The following EGFLAM variants were observed in gnomAD, a reference collection of about 807,000 sequenced individuals.
The protein encoded by EGFLAM is EGF like, fibronectin type III and laminin G domains.
A neutral mutation model predicts 113.1 loss-of-function variants in EGFLAM; 79 were observed. That is an observed-to-expected ratio of 0.70 (90% confidence interval 0.58 to 0.84). EGFLAM has a LOEUF of 0.84. Ranked by LOEUF, EGFLAM falls within the 40% of genes least tolerant of loss-of-function variation. The pLI, the probability that EGFLAM is intolerant of heterozygous loss-of-function variation, is 0.00. For synonymous variants in EGFLAM, 504 were observed against 487.6 expected (o/e 1.03, Z -0.44); for missense variants, 1,265 against 1,291.6 (o/e 0.98, Z 0.32).
chr5:38,274,481 G>A (rs1247981855), intron 1 of EGFLAM, among the ~76,000 whole-genome samples: 1 of 152,038 alleles, frequency 6.6e-6, no homozygotes, highest in African/African-American at 2.4e-5. Flanking sequence ...AACATATAAG[G>A]GATTTCCAAT....
chr5:38,326,444 G>A (rs1238152963), intron 1 of EGFLAM, among the ~76,000 whole-genome samples: 1 of 152,084 alleles, frequency 6.6e-6, no homozygotes, highest in African/African-American at 2.4e-5. Flanking sequence ...CTGTGTCCTT[G>A]TTCACAGCAC....
intron 5 of EGFLAM, among the ~76,000 whole-genome samples, chr5:38,359,627 A>G (rs181643311): frequency 2.0e-5 from 3 of 152,182 alleles, no homozygotes; most frequent in Non-Finnish European, 4.4e-5. Context: ...GTGAACCTAG[A>G]TCATGCCACT....
intron 1 of EGFLAM, among the ~76,000 whole-genome samples, chr5:38,323,514 A>G (rs964673404): frequency 2.0e-5 from 3 of 152,204 alleles, no homozygotes; most frequent in African/African-American, 7.2e-5. Flanking sequence ...TTCAAATGCT[A>G]TGTTTCTTCA....
At chr5:38,417,873 A>T (rs1247849805) in intron 11 of EGFLAM, among the ~76,000 whole-genome samples, 193 bp from the exon 12 acceptor site, 1 of 152,136 alleles carries the variant, frequency 6.6e-6, no homozygotes, top group Non-Finnish European at 1.5e-5. Context: ...CCCTCTGAGA[A>T]ACTCACTGAG....
chr5:38,438,153 C>T, intron 16 of EGFLAM, 122 bp from the exon 17 acceptor site: 1 of 911,096 alleles, frequency 1.1e-6, no homozygotes. Context: ...GGAAACTGGA[C>T]TTAAAAAAAT....
intron 11 of EGFLAM, among the ~76,000 whole-genome samples, chr5:38,413,846 A>G (rs940786649): frequency 2.0e-5 from 3 of 152,154 alleles, no homozygotes; most frequent in Admixed American, 2.0e-4. Context: ...TTCGGGATAA[A>G]CTGTTCCATC....
chr5:38,366,319 T>C (rs759874318), intron 5 of EGFLAM, among the ~76,000 whole-genome samples: 19 of 152,224 alleles, frequency 1.2e-4, no homozygotes, highest in Non-Finnish European at 1.9e-4. Context: ...TGTGCTATTT[T>C]GCGCTGGCTT....
chr5:38,404,337 A>C (rs1741210553), intron 6 of EGFLAM, among the ~76,000 whole-genome samples: 1 of 152,174 alleles, frequency 6.6e-6, no homozygotes, highest in South Asian at 2.1e-4. Flanking sequence ...CAGTGCCCTT[A>C]TTAAAGAGGC....
intron 11 of EGFLAM, among the ~76,000 whole-genome samples, chr5:38,414,886 A>G (rs1326624497): frequency 1.3e-5 from 2 of 152,164 alleles, no homozygotes; most frequent in African/African-American, 2.4e-5. Context: ...AATCATACAA[A>G]GGGACAGAAG....
At chr5:38,404,951 T>C (rs548349529) in intron 6 of EGFLAM, among the ~76,000 whole-genome samples, 1 of 152,188 alleles carries the variant, frequency 6.6e-6, no homozygotes, top group Non-Finnish European at 1.5e-5. Context: ...TGAATAAAAA[T>C]GCCAACTGAA....
chr5:38,358,761 G>A (rs1391745242), intron 5 of EGFLAM, among the ~76,000 whole-genome samples: 1 of 152,226 alleles, frequency 6.6e-6, no homozygotes, highest in East Asian at 1.9e-4. Context: ...CCCCAAAGTT[G>A]GTCTGGAGGC....
At chr5:38,404,640 A>T (rs1264010517) in intron 6 of EGFLAM, among the ~76,000 whole-genome samples, 1 of 151,990 alleles carries the variant, frequency 6.6e-6, no homozygotes, top group Non-Finnish European at 1.5e-5. Flanking sequence ...TTTTTATGTT[A>T]TTTTTCCTTT....
At chr5:38,412,346 C>A (rs554069939) in intron 10 of EGFLAM, among the ~76,000 whole-genome samples, 158 bp from the exon 11 acceptor site, 22 of 152,240 alleles carry the variant, frequency 1.4e-4, no homozygotes, top group African/African-American at 5.1e-4. Context: ...CCTAGTTCTT[C>A]CCTGTATTGA....
chr5:38,368,638 G>C (rs1740127828), intron 5 of EGFLAM, among the ~76,000 whole-genome samples: 1 of 152,148 alleles, frequency 6.6e-6, no homozygotes, highest in African/African-American at 2.4e-5. Flanking sequence ...ATATCTGTGA[G>C]CAGAGGTGTT....
chr5:38,425,717 G>C (rs1020344229), intron 13 of EGFLAM, among the ~76,000 whole-genome samples: 3 of 152,124 alleles, frequency 2.0e-5, no homozygotes, highest in African/African-American at 7.2e-5. Flanking sequence ...GGCTCCTCTT[G>C]GCCCTTGAAT....
intron 5 of EGFLAM, among the ~76,000 whole-genome samples, chr5:38,367,744 C>T (rs976676218): frequency 6.6e-6 from 1 of 152,156 alleles, no homozygotes; most frequent in African/African-American, 2.4e-5. Context: ...TGATTTAAGA[C>T]AATACTTTTG....
At chr5:38,280,882 A>G (rs1202864857) in intron 1 of EGFLAM, among the ~76,000 whole-genome samples, 3 of 152,220 alleles carry the variant, frequency 2.0e-5, no homozygotes, top group African/African-American at 7.2e-5. Context: ...TTTAGTTTGC[A>G]TTCAGAACTC....
At chr5:38,310,297 T>G (rs1738394798) in intron 1 of EGFLAM, among the ~76,000 whole-genome samples, 1 of 151,996 alleles carries the variant, frequency 6.6e-6, no homozygotes, top group Non-Finnish European at 1.5e-5. Flanking sequence ...GGTGAGAGAG[T>G]TGGAGTCCAA....
intron 1 of EGFLAM, among the ~76,000 whole-genome samples, chr5:38,326,776 G>A (rs1738895675): frequency 2.0e-5 from 3 of 150,538 alleles, no homozygotes; most frequent in African/African-American, 7.3e-5. Context: ...ACAGGCGTGA[G>A]CCACCGCGCC....
Sources: gnomAD v4.1 joint callset for allele counts (sites outside exome capture counted in the v4.1 genomes callset) on GRCh38, gnomAD v4.1.1 for gene constraint, MANE v1.5 for transcripts, NCBI Gene and HGNC (gene_info 2026-07-23, HGNC 2026-07-21) for gene names.